Variants in DNAH12 observed in about 807,000 individuals in gnomAD.
The protein encoded by DNAH12 is axonemal beta dynein heavy chain 12.
Under a neutral mutation model 371.5 loss-of-function variants are expected in DNAH12, and 285 were observed. The observed-to-expected ratio is 0.77, with a 90% CI of 0.70 to 0.85. The LOEUF (loss-of-function observed/expected upper bound fraction) is 0.85, where lower values mean the gene tolerates loss of function less well. DNAH12 is among the 40% of genes least tolerant of loss of function. The probability of loss-of-function intolerance (pLI) is 0.00; values close to 1 mark genes in which losing one functional copy is unlikely to be tolerated. For synonymous variants in DNAH12, 1,200 were observed against 1,213.0 expected (o/e 0.99, Z 0.22); for missense variants, 3,611 against 3,689.4 (o/e 0.98, Z 0.55).
intron 60 of DNAH12, among the ~76,000 whole-genome samples, chr3:57,350,440 G>T (rs2062644867): frequency 2.0e-5 from 3 of 152,160 alleles, no homozygotes; most frequent in Admixed American, 2.0e-4. Flanking sequence ...GAGCAGTAGG[G>T]AAAAGGCCAA....
chr3:57,331,870 C>T (rs759790548), intron 62 of DNAH12, among the ~76,000 whole-genome samples: 4 of 152,028 alleles, frequency 2.6e-5, no homozygotes, highest in Non-Finnish European at 5.9e-5. Context: ...CATCTGATCG[C>T]CCTCCATATC....
At chr3:57,434,132 G>A (rs2065045971) in intron 30 of DNAH12, among the ~76,000 whole-genome samples, 1 of 152,100 alleles carries the variant, frequency 6.6e-6, no homozygotes, top group African/African-American at 2.4e-5. Context: ...GAGAGAACTG[G>A]GAAAGATTTA....
At position 57,340,045 on chromosome 3, in the gene DNAH12, T is replaced by C. The variant is rs544326038; in HGVS notation, c.9675-5105A>G. Among the ~76,000 whole-genome samples the C allele has an allele frequency of 1.1e-3, 162 of 150,650 alleles. 1 individual carries two copies. The highest frequency in any genetic ancestry group is 3.9e-3 in the African/African-American group (159 of 40,702). On this transcript the variant is annotated intron_variant, in intron 60 of 73. Transcript: ENST00000495027. ...GTGATCATACCACTGCACTCCAGCA[T>C]GGGGGACAAAGTGACACCCTGTTTC...
Position 57,445,178 on chromosome 3 carries a change from ATATC to A in DNAH12, c.4417_4420del (p.Asp1473TyrfsTer10). 1 of 1,539,856 alleles carries A rather than the reference ATATC, an allele frequency of 6.5e-7. No homozygotes were observed. The highest frequency in any genetic ancestry group is 8.8e-7 in the Non-Finnish European group (1 of 1,139,954). On this transcript the variant is annotated frameshift_variant, in exon 28 of 74. Transcript: ENST00000495027. LOFTEE classifies it high-confidence loss of function. ...ATGTGTATATTTAATACTTACAAGT[ATATC>A]TTCATTTTCATTTGGGTATTTTAGT... is the stretch of plus-strand genomic sequence containing the variant.
At chr3:57,540,340 C>T (rs943684975) in intron 2 of DNAH12, among the ~76,000 whole-genome samples, 8 of 152,096 alleles carry the variant, frequency 5.3e-5, no homozygotes, top group Admixed American at 1.3e-4. Flanking sequence ...TGTAAGCCAC[C>T]GTCTGTTGTG....
At chr3:57,375,542 T>C (rs2063264167) in intron 54 of DNAH12, 26 bp from the exon 55 acceptor site, 15 of 152,288 alleles carry the variant, frequency 9.8e-5, no homozygotes, top group Non-Finnish European at 4.4e-5. Flanking sequence ...AAAAATCTAT[T>C]TTCCTTCACC....
chr3:57,298,682 A>C (rs1327532207), intron 70 of DNAH12, among the ~76,000 whole-genome samples: 1 of 152,184 alleles, frequency 6.6e-6, no homozygotes, highest in Non-Finnish European at 1.5e-5. Flanking sequence ...TCATTCTTTA[A>C]ATCCCACTTA....
intron 72 of DNAH12, among the ~76,000 whole-genome samples, chr3:57,295,795 T>G (rs928543715): frequency 6.6e-6 from 1 of 152,198 alleles, no homozygotes; most frequent in Non-Finnish European, 1.5e-5. Context: ...GGGTAAACAG[T>G]GGACACATAT....
At chr3:57,302,553 A>ATGGTTT (rs1559535314) in intron 69 of DNAH12, among the ~76,000 whole-genome samples, 4 of 86,390 alleles carry the variant, frequency 4.6e-5, no homozygotes, top group African/African-American at 1.7e-4. Context: ...ATATATATAT[A>ATGGTTT]TATATATATA....
chr3:57,464,323 G>T (rs1490730636), intron 17 of DNAH12, among the ~76,000 whole-genome samples: 1 of 152,018 alleles, frequency 6.6e-6, no homozygotes, highest in Admixed American at 6.6e-5. Context: ...ACTGTAGGAG[G>T]TTTGTCCCAC....
intron 11 of DNAH12, among the ~76,000 whole-genome samples, chr3:57,498,956 A>G (rs2067413052): frequency 6.6e-6 from 1 of 151,968 alleles, no homozygotes; most frequent in Non-Finnish European, 1.5e-5. Context: ...CCGAGATTGC[A>G]CCACTGCACT....
At chr3:57,468,286 T>C (rs1327555900) in intron 17 of DNAH12, among the ~76,000 whole-genome samples, 1 of 152,164 alleles carries the variant, frequency 6.6e-6, no homozygotes, top group African/African-American at 2.4e-5. Context: ...CAGTGAGCTA[T>C]GACTATGCCA....
intron 69 of DNAH12, among the ~76,000 whole-genome samples, chr3:57,303,378 AC>A (rs1424015458): frequency 6.7e-6 from 1 of 148,992 alleles, no homozygotes; most frequent in Non-Finnish European, 1.5e-5. Flanking sequence ...CTCTTCTGAG[AC>A]AGAAGATATG....
At chr3:57,302,532 TATATATATATA>T (rs2061370772) in intron 69 of DNAH12, among the ~76,000 whole-genome samples, 36 of 37,848 alleles carry the variant, frequency 9.5e-4, no homozygotes, top group East Asian at 1.6e-3. Context: ...ATCAGGTGTA[TATATATATATA>T]TATATATATA....
chr3:57,469,033 C>A lies in DNAH12; in HGVS notation c.2106-54G>T, dbSNP rs1391612183. 5.5e-6 allele frequency: 8 copies of A among 1,462,240 alleles called. 1 individual carries two copies. Among genetic ancestry groups the A allele is most frequent in the Non-Finnish European group, 3.6e-6 (4 of 1,101,612 alleles). The allele number at this position is 1,462,240 out of a possible 1,614,324, so 90.6% of individuals were successfully genotyped here. On this transcript the variant is annotated intron_variant, in intron 16 of 73. Transcript: ENST00000495027. ...CTCAGACTTTTGAAGTTTGAAGGGG[C>A]CTTAGAGATCCTTTAGGCTAGACCC...
At chr3:57,516,071 T>G (rs1254748893) in intron 4 of DNAH12, among the ~76,000 whole-genome samples, 1 of 139,696 alleles carries the variant, frequency 7.2e-6, no homozygotes, top group African/African-American at 2.7e-5. Flanking sequence ...TTTTTTTTTT[T>G]TTTTTTTCTT....
At chr3:57,310,650 A>G in intron 67 of DNAH12, 67 bp downstream of exon 67, 1 of 1,099,280 alleles carries the variant, frequency 9.1e-7, no homozygotes, top group Non-Finnish European at 1.3e-6. Context: ...TTAGAGAAGA[A>G]CATTTCACCA....
rs140315650 is a variant in DNAH12, at chr3:57,520,399, C to T, written c.279+3184G>A. 5.4e-3 allele frequency among the ~76,000 whole-genome samples: 803 copies of T among 150,040 alleles called. 2 individuals carry two copies. Among genetic ancestry groups the T allele is most frequent in the Non-Finnish European group, 9.4e-3 (631 of 67,398 alleles). On this transcript the variant is annotated intron_variant, in intron 4 of 73. Coordinates refer to ENST00000495027, the MANE Select transcript of DNAH12 (RefSeq NM_001366028.2). ...AGCCACTGCGCCTGACCGTTTTTAC[C>T]CATTTTCTTTTCCTTTTTATTTTTA...
At chr3:57,359,784 T>C (rs2062882719) in intron 58 of DNAH12, among the ~76,000 whole-genome samples, 1 of 152,094 alleles carries the variant, frequency 6.6e-6, no homozygotes. Context: ...AAAGTTTTGT[T>C]TGTTTGTTTA....
Sources: gnomAD v4.1 joint callset for allele counts (sites outside exome capture counted in the v4.1 genomes callset) on GRCh38, gnomAD v4.1.1 for gene constraint, MANE v1.5 for transcripts, NCBI Gene and HGNC (gene_info 2026-07-23, HGNC 2026-07-21) for gene names.